ADAMTS18: variants seen among roughly 807,000 people sequenced by gnomAD.
The protein encoded by ADAMTS18 is ADAM metallopeptidase with thrombospondin type 1 motif 18, also known as A disintegrin and metalloproteinase with thrombospondin motifs 18.
A neutral mutation model predicts 165.9 loss-of-function variants in ADAMTS18; 157 were observed. The observed-to-expected ratio is 0.95, with a 90% CI of 0.83 to 1.08. The LOEUF (loss-of-function observed/expected upper bound fraction) is 1.08, where lower values mean the gene tolerates loss of function less well. Among genes scored for constraint, ADAMTS18 ranks in the 50% least tolerant of loss-of-function variants. The probability of loss-of-function intolerance (pLI) is 0.00; values close to 1 mark genes in which losing one functional copy is unlikely to be tolerated. For missense variants in ADAMTS18, 2,040 were observed against 1,534.0 expected (o/e 1.33, Z -5.51); for synonymous variants, 782 against 578.2 (o/e 1.35, Z -5.06).
intron 3 of ADAMTS18, among the ~76,000 whole-genome samples, chr16:77,410,505 C>A (rs2057447905): frequency 6.6e-6 from 1 of 152,102 alleles, no homozygotes; most frequent in Non-Finnish European, 1.5e-5. Flanking sequence ...TGGAGGTACA[C>A]TAAAGATGGC....
intron 12 of ADAMTS18, 126 bp from the exon 13 acceptor site, chr16:77,326,164 A>G: frequency 3.3e-6 from 3 of 902,674 alleles, no homozygotes; most frequent in Non-Finnish European, 5.3e-6. Flanking sequence ...CATACAGTCT[A>G]TTACAGGAAT....
chr16:77,331,753 T>C (rs78754550), intron 12 of ADAMTS18, among the ~76,000 whole-genome samples: 3,165 of 152,070 alleles, frequency 0.021, 110 homozygotes, highest in African/African-American at 0.072. Context: ...ACAGGACAAA[T>C]CTCCAAAACA....
intron 4 of ADAMTS18, among the ~76,000 whole-genome samples, chr16:77,365,922 G>T (rs2056786773): frequency 6.6e-6 from 1 of 152,126 alleles, no homozygotes; most frequent in Admixed American, 6.5e-5. Flanking sequence ...TTGTTTATAA[G>T]GTTGTTGTAA....
chr16:77,321,234 A>G (rs764254455), intron 14 of ADAMTS18, 32 bp from the exon 15 acceptor site: 26 of 1,613,690 alleles, frequency 1.6e-5, no homozygotes, highest in Middle Eastern at 3.3e-4. Flanking sequence ...TGAGAAAATA[A>G]AAGATCAGAG....
chr16:77,402,551 T>A (rs2057344644), intron 3 of ADAMTS18, among the ~76,000 whole-genome samples: 1 of 152,186 alleles, frequency 6.6e-6, no homozygotes, highest in Non-Finnish European at 1.5e-5. Context: ...CTAATGGGGA[T>A]TTCAACTCTG....
chr16:77,326,348 T>C (rs1430923843), intron 12 of ADAMTS18, among the ~76,000 whole-genome samples: 6 of 152,342 alleles, frequency 3.9e-5, no homozygotes, highest in Non-Finnish European at 8.8e-5. Context: ...ATTCTGTTCA[T>C]TTCCTTAAAC....
intron 22 of ADAMTS18, 103 bp from the exon 23 acceptor site, chr16:77,284,174 G>A (rs1014538746): frequency 2.7e-5 from 20 of 751,552 alleles, no homozygotes; most frequent in African/African-American, 7.1e-5. Context: ...AGGCTGGAGT[G>A]CAGTGGTGTG....
intron 3 of ADAMTS18, among the ~76,000 whole-genome samples, chr16:77,405,988 C>G (rs2057388641): frequency 6.6e-6 from 1 of 151,834 alleles, no homozygotes; most frequent in African/African-American, 2.4e-5. Flanking sequence ...CCAAAGCAAG[C>G]AGTAGAAAAA....
chr16:77,359,163 C>A (rs1316193093), intron 8 of ADAMTS18, among the ~76,000 whole-genome samples, 155 bp downstream of exon 8: 1 of 152,190 alleles, frequency 6.6e-6, no homozygotes, highest in Non-Finnish European at 1.5e-5. Context: ...AACAGCTAGC[C>A]TTTAGTGAGC....
intron 2 of ADAMTS18, among the ~76,000 whole-genome samples, chr16:77,433,668 T>A (rs1373650415): frequency 1.3e-5 from 2 of 152,162 alleles, no homozygotes; most frequent in African/African-American, 2.4e-5. Flanking sequence ...CTTGCAAAAC[T>A]AAAAATTACA....
intron 3 of ADAMTS18, among the ~76,000 whole-genome samples, chr16:77,423,321 G>T (rs1045285900): frequency 6.6e-6 from 1 of 152,134 alleles, no homozygotes; most frequent in Admixed American, 6.5e-5. Flanking sequence ...CCTGTGGATT[G>T]TAAGAACTGT....
intron 3 of ADAMTS18, among the ~76,000 whole-genome samples, chr16:77,395,421 G>A (rs1031393153): frequency 1.3e-5 from 2 of 152,132 alleles, no homozygotes; most frequent in South Asian, 2.1e-4. Flanking sequence ...TCCTCCTACA[G>A]AGCATCTTGC....
intron 3 of ADAMTS18, among the ~76,000 whole-genome samples, chr16:77,429,281 T>G (rs903764702): frequency 6.6e-6 from 1 of 152,218 alleles, no homozygotes; most frequent in Non-Finnish European, 1.5e-5. Context: ...TCAGGTCTTT[T>G]GCAGGAACGT....
chr16:77,319,626 A>G (rs762904470), intron 16 of ADAMTS18, among the ~76,000 whole-genome samples: 2 of 152,150 alleles, frequency 1.3e-5, no homozygotes, highest in South Asian at 4.1e-4. Context: ...TATTTTTAAT[A>G]GAGATGGGTT....
chr16:77,311,411 G>T (rs1371654934), intron 16 of ADAMTS18, among the ~76,000 whole-genome samples: 1 of 152,180 alleles, frequency 6.6e-6, no homozygotes, highest in Non-Finnish European at 1.5e-5. Context: ...GCTGTTGTAT[G>T]GAAAGGCCTA....
chr16:77,314,125 T>A (rs2055835576), intron 16 of ADAMTS18, among the ~76,000 whole-genome samples: 1 of 152,024 alleles, frequency 6.6e-6, no homozygotes, highest in Non-Finnish European at 1.5e-5. Context: ...TATGAGATCT[T>A]TGAGGGACGT....
chr16:77,294,930 C>CAGGGTCCA lies in ADAMTS18; in HGVS notation c.2991_2998dup (p.Trp1000LeufsTer15). ...CAAGTTTTCTCCTGTTACCTGAGAC[C>CAGGGTCCA]AGGGTCCAAGGCTCCATTGTGGAGG... is the stretch of plus-strand genomic sequence containing the variant. On this transcript the variant is annotated frameshift_variant, in exon 19 of 23. Coordinates refer to ENST00000282849, the MANE Select transcript of ADAMTS18 (RefSeq NM_199355.4). LOFTEE classifies it high-confidence loss of function. 6.2e-7 allele frequency: 1 copy of CAGGGTCCA among 1,614,128 alleles called. No homozygotes were observed. Among genetic ancestry groups the CAGGGTCCA allele is most frequent in the South Asian group, 1.1e-5 (1 of 91,086 alleles).
At chr16:77,353,340 A>C (rs1176242251) in intron 10 of ADAMTS18, among the ~76,000 whole-genome samples, 1 of 152,208 alleles carries the variant, frequency 6.6e-6, no homozygotes, top group Non-Finnish European at 1.5e-5. Flanking sequence ...TAGTTATCCC[A>C]TATTATAAAA....
chr16:77,302,815 T>G (rs533843466), intron 16 of ADAMTS18, among the ~76,000 whole-genome samples: 5 of 152,312 alleles, frequency 3.3e-5, no homozygotes, highest in African/African-American at 9.6e-5. Context: ...AAGCCATACA[T>G]GGCCTGTGGT....
Sources: allele counts gnomAD v4.1 joint callset (sites outside exome capture counted in the v4.1 genomes callset), GRCh38; gene constraint gnomAD v4.1.1; transcripts MANE v1.5; gene names NCBI Gene and HGNC (gene_info 2026-07-23, HGNC 2026-07-21).